The following ARHGAP10 variants were observed in gnomAD, a reference collection of about 807,000 sequenced individuals.
The protein encoded by ARHGAP10 is Rho GTPase activating protein 10, also known as rho GTPase-activating protein 10.
In ARHGAP10, 87 loss-of-function variants were observed where a neutral mutation model predicts 108.6. The observed-to-expected ratio is 0.80, with a 90% CI of 0.67 to 0.96. The LOEUF (loss-of-function observed/expected upper bound fraction) is 0.96, where lower values mean the gene tolerates loss of function less well. Ranked by LOEUF, ARHGAP10 falls within the 40% of genes least tolerant of loss-of-function variation. The probability of loss-of-function intolerance (pLI) is 0.00; values close to 1 mark genes in which losing one functional copy is unlikely to be tolerated. For synonymous variants in ARHGAP10, 347 were observed against 341.1 expected, an observed-to-expected ratio of 1.02 and a Z score of -0.19; for missense variants, 939 against 954.5, an observed-to-expected ratio of 0.98 and a Z score of 0.21.
intron 18 of ARHGAP10, among the ~76,000 whole-genome samples, chr4:148,014,705 T>C (rs1351339916): frequency 6.6e-6 from 1 of 152,224 alleles, no homozygotes; most frequent in African/African-American, 2.4e-5. Flanking sequence ...TTATAAAGTC[T>C]GGTTGATAAA....
chr4:147,755,170 TAA>T, intron 1 of ARHGAP10, among the ~76,000 whole-genome samples: 1 of 152,268 alleles, frequency 6.6e-6, no homozygotes, highest in African/African-American at 2.4e-5. Flanking sequence ...ATTATTTAAG[TAA>T]AACCAAAGAT....
intron 1 of ARHGAP10, among the ~76,000 whole-genome samples, chr4:147,784,047 A>C (rs1171330551): frequency 7.0e-6 from 1 of 143,312 alleles, no homozygotes; most frequent in African/African-American, 2.5e-5. Context: ...ATTATATATT[A>C]TATATTTTAC....
chr4:147,817,530 G>A (rs1002490519), intron 1 of ARHGAP10, among the ~76,000 whole-genome samples: 1 of 152,198 alleles, frequency 6.6e-6, no homozygotes, highest in Non-Finnish European at 1.5e-5. Flanking sequence ...AATTCAAAAC[G>A]AGGTTGGCTC....
intron 13 of ARHGAP10, among the ~76,000 whole-genome samples, chr4:147,936,650 T>G (rs1737960417): frequency 1.3e-5 from 2 of 152,190 alleles, no homozygotes; most frequent in African/African-American, 4.8e-5. Context: ...TTATAGTTGC[T>G]GAATGTTCGC....
At chr4:147,737,589 G>A (rs960810318) in intron 1 of ARHGAP10, among the ~76,000 whole-genome samples, 1 of 152,058 alleles carries the variant, frequency 6.6e-6, no homozygotes, top group Non-Finnish European at 1.5e-5. Context: ...ATTTTTTCCC[G>A]AATGGAAAGG....
chr4:147,750,035 G>A (rs996289156), intron 1 of ARHGAP10, among the ~76,000 whole-genome samples: 6 of 152,178 alleles, frequency 3.9e-5, no homozygotes, highest in African/African-American at 2.4e-5. Flanking sequence ...ATCTTGACAA[G>A]CAAAGAACAA....
At chr4:147,935,337 A>T (rs1399666468) in intron 13 of ARHGAP10, among the ~76,000 whole-genome samples, 1 of 152,154 alleles carries the variant, frequency 6.6e-6, no homozygotes, top group Non-Finnish European at 1.5e-5. Flanking sequence ...GTGGTTTGAA[A>T]ATAAAAAGAT....
rs143245861 is a variant in ARHGAP10, at chr4:147,893,928, G to A, written c.1034+11996G>A. Reference sequence around the variant, plus strand: ...TAAAGATGATACTGTTGATGGTGATGTATTGAAAGACACATTTTATATGGG... The same window carrying A: ...TAAAGATGATACTGTTGATGGTGATATATTGAAAGACACATTTTATATGGG... On this transcript the variant is annotated intron_variant, in intron 10 of 22. Coordinates refer to ENST00000336498, the MANE Select transcript of ARHGAP10 (RefSeq NM_024605.4). Among the ~76,000 whole-genome samples, 1,165 of 152,262 alleles carry A rather than the reference G, an allele frequency of 7.7e-3. 13 individuals carry two copies. Among genetic ancestry groups the A allele is most frequent in the African/African-American group, 0.026 (1,093 of 41,562 alleles).
At chr4:147,938,403 A>G (rs1421134492) in intron 13 of ARHGAP10, among the ~76,000 whole-genome samples, 5 of 152,244 alleles carry the variant, frequency 3.3e-5, no homozygotes, top group African/African-American at 1.2e-4. Context: ...AATTTTTAAA[A>G]AAAGCAAAGA....
At chr4:148,030,084 G>A (rs998504319) in intron 19 of ARHGAP10, among the ~76,000 whole-genome samples, 2 of 150,812 alleles carry the variant, frequency 1.3e-5, no homozygotes, top group African/African-American at 2.4e-5. Flanking sequence ...GCTTCTGTGT[G>A]GGATGAACAT....
At chr4:147,928,768 A>C (rs929566786) in intron 13 of ARHGAP10, among the ~76,000 whole-genome samples, 1 of 152,224 alleles carries the variant, frequency 6.6e-6, no homozygotes, top group African/African-American at 2.4e-5. Context: ...GGCCTTGGTT[A>C]GGACATTTAT....
intron 1 of ARHGAP10, among the ~76,000 whole-genome samples, chr4:147,778,497 C>G (rs1260837183): frequency 2.0e-5 from 3 of 152,160 alleles, no homozygotes; most frequent in Non-Finnish European, 4.4e-5. Flanking sequence ...TAACTGAAGT[C>G]TGTTTTGTCT....
intron 20 of ARHGAP10, among the ~76,000 whole-genome samples, chr4:148,059,106 T>A (rs901113108): frequency 2.0e-5 from 3 of 152,214 alleles, no homozygotes; most frequent in African/African-American, 7.2e-5. Context: ...ATTTGTCCCC[T>A]TTCTTTGAGA....
At chr4:147,928,834 G>T (rs187266717) in intron 13 of ARHGAP10, among the ~76,000 whole-genome samples, 1 of 152,338 alleles carries the variant, frequency 6.6e-6, no homozygotes, top group East Asian at 1.9e-4. Flanking sequence ...TACAATTAAA[G>T]CTTGTAATGA....
chr4:147,879,425 G>T (rs2126868948), intron 9 of ARHGAP10, 87 bp downstream of exon 9: 1 of 1,140,284 alleles, frequency 8.8e-7, no homozygotes, highest in South Asian at 1.9e-5. Flanking sequence ...TATTTTAATG[G>T]TTTATATTCA....
At chr4:147,751,604 G>A (rs539763036) in intron 1 of ARHGAP10, among the ~76,000 whole-genome samples, 1 of 152,014 alleles carries the variant, frequency 6.6e-6, no homozygotes, top group South Asian at 2.1e-4. Flanking sequence ...GGCCTCAAGT[G>A]ATGTGCCTAC....
chr4:147,992,019 C>T (rs1740296438), intron 18 of ARHGAP10, among the ~76,000 whole-genome samples: 2 of 152,186 alleles, frequency 1.3e-5, no homozygotes, highest in African/African-American at 2.4e-5. Context: ...CCTGGGAATC[C>T]AGAAGAATGT....
At chr4:147,742,403 C>T (rs1353530239) in intron 1 of ARHGAP10, among the ~76,000 whole-genome samples, 1 of 148,006 alleles carries the variant, frequency 6.8e-6, no homozygotes, top group African/African-American at 2.5e-5. Context: ...ATTAAAATAA[C>T]TATTTTCCTT....
Position 148,061,906 on chromosome 4 carries a change from G to C in ARHGAP10, c.2028-1242G>C, listed in dbSNP as rs565853667. Among the ~76,000 whole-genome samples the C allele has an allele frequency of 4.6e-5, 7 of 152,270 alleles. No homozygotes were observed. In the South Asian group the frequency reaches 1.2e-3, roughly 27 times the overall value. ...ATGTGCCCTTTCATTTATTGGTGTC[G>C]CAGGCCTTCAGGGAAGGTGTATGGG... On this transcript the variant is annotated intron_variant, in intron 20 of 22. Transcript: ENST00000336498.
Sources: allele counts gnomAD v4.1 joint callset (sites outside exome capture counted in the v4.1 genomes callset), GRCh38; gene constraint gnomAD v4.1.1; transcripts MANE v1.5; gene names NCBI Gene and HGNC (gene_info 2026-07-23, HGNC 2026-07-21).